SDCCAG8: variants seen among roughly 807,000 people sequenced by gnomAD.
SDCCAG8 encodes the protein SHH signaling and ciliogenesis regulator SDCCAG8.
A neutral mutation model predicts 101.8 loss-of-function variants in SDCCAG8; 74 were observed. The ratio of observed to expected loss-of-function variants is 0.73; its 90% CI spans 0.60 to 0.88. SDCCAG8 has a LOEUF of 0.88. Ranked by LOEUF, SDCCAG8 falls within the 40% of genes least tolerant of loss-of-function variation. The probability of loss-of-function intolerance (pLI) is 0.00; values close to 1 mark genes in which losing one functional copy is unlikely to be tolerated. For missense variants in SDCCAG8, 787 were observed against 822.6 expected, an observed-to-expected ratio of 0.96 and a Z score of 0.53; for synonymous variants, 281 against 292.9, an observed-to-expected ratio of 0.96 and a Z score of 0.41.
At chr1:243,290,210 C>CCGAT (rs35959524) in intron 5 of SDCCAG8, among the ~76,000 whole-genome samples, 44,188 of 150,762 alleles carry the variant, frequency 0.29, 6,767 homozygotes, top group South Asian at 0.53. Flanking sequence ...CTCCCGCCCC[C>CCGAT]CGATCCCCTG....
At chr1:243,260,953 G>A (rs2067150025) in intron 1 of SDCCAG8, among the ~76,000 whole-genome samples, 1 of 152,134 alleles carries the variant, frequency 6.6e-6, no homozygotes, top group Non-Finnish European at 1.5e-5. Flanking sequence ...TTAGGCAAGT[G>A]AAACACACTG....
At chr1:243,421,493 G>T (rs1208070040) in intron 15 of SDCCAG8, among the ~76,000 whole-genome samples, 2 of 152,136 alleles carry the variant, frequency 1.3e-5, no homozygotes, top group Admixed American at 6.5e-5. Flanking sequence ...ACCGTAAGTC[G>T]CATTATGGCA....
intron 16 of SDCCAG8, among the ~76,000 whole-genome samples, chr1:243,456,794 C>T (rs1450160370): frequency 1.3e-5 from 2 of 152,140 alleles, no homozygotes; most frequent in Non-Finnish European, 2.9e-5. Flanking sequence ...GTATTCTGAT[C>T]ATATTTAACT....
intron 16 of SDCCAG8, among the ~76,000 whole-genome samples, chr1:243,426,965 A>G (rs749217645): frequency 1.1e-4 from 17 of 152,232 alleles, no homozygotes; most frequent in Non-Finnish European, 2.1e-4. Context: ...CAGAGGTTGC[A>G]CTAATAGCAT....
At position 243,270,176 on chromosome 1, in the gene SDCCAG8, G is replaced by A. The variant is rs2067973193; in HGVS notation, c.139G>A (p.Ala47Thr). Residue 47 changes from alanine to threonine, a missense_variant, in exon 2 of 18, where the codon GCA becomes ACA. Physicochemically the swap from Ala to Thr is moderately conservative, Grantham distance 58. Coordinates refer to ENST00000366541, the MANE Select transcript of SDCCAG8 (RefSeq NM_006642.5). ...AGGCGATGTCACTATTGGAGAAGAT[G>A]CACCAAATCTTTCTTTTAGCACCAG... is the stretch of plus-strand genomic sequence containing the variant. ...KEGDVTIGED[A>T]PNLSFSTSVG... The A allele has an allele frequency of 6.2e-7, 1 of 1,614,084 alleles. No homozygotes were observed. The highest frequency in any genetic ancestry group is 1.1e-5 in the South Asian group (1 of 91,082).
chr1:243,486,162 T>C (rs994503870), intron 16 of SDCCAG8, among the ~76,000 whole-genome samples: 3 of 131,456 alleles, frequency 2.3e-5, no homozygotes, highest in Admixed American at 1.9e-4. Flanking sequence ...GATCGCACCA[T>C]TGTACTCCAG....
At chr1:243,305,709 A>G (rs985366658) in intron 7 of SDCCAG8, 3 of 152,224 alleles carry the variant, frequency 2.0e-5, no homozygotes, top group African/African-American at 7.2e-5. Context: ...AATATTGTTT[A>G]TAATTTTATT....
At chr1:243,464,308 A>G (rs1473854962) in intron 16 of SDCCAG8, among the ~76,000 whole-genome samples, 10 of 152,190 alleles carry the variant, frequency 6.6e-5, no homozygotes, top group Admixed American at 5.9e-4. Context: ...TAACCTTTGC[A>G]TATACCTCTG....
At chr1:243,434,962 G>T (rs998429883) in intron 16 of SDCCAG8, among the ~76,000 whole-genome samples, 3 of 152,178 alleles carry the variant, frequency 2.0e-5, no homozygotes, top group African/African-American at 7.2e-5. Flanking sequence ...CAATGCCAAA[G>T]AAATGATGTT....
rs189711386 is a variant in SDCCAG8 at position 243,358,752 on chromosome 1, A to G, written c.1473+14421A>G. ...TAAATAAAATGTGGGGTGTGTGTATATAGATACATATTACATGGCAGTAAA... is the reference window on the plus strand; with the variant it reads ...TAAATAAAATGTGGGGTGTGTGTATGTAGATACATATTACATGGCAGTAAA... On this transcript the variant is annotated intron_variant, in intron 12 of 17. Transcript: ENST00000366541. Among the ~76,000 whole-genome samples the G allele has an allele frequency of 3.2e-3, 495 of 152,320 alleles. 3 individuals carry two copies. Among genetic ancestry groups the G allele is most frequent in the African/African-American group, 9.1e-3 (380 of 41,576 alleles).
chr1:243,275,307 T>C (rs2068448797), intron 4 of SDCCAG8, among the ~76,000 whole-genome samples: 1 of 152,072 alleles, frequency 6.6e-6, no homozygotes, highest in African/African-American at 2.4e-5. Flanking sequence ...TTTCCCTCCC[T>C]CTTTCTTTCT....
intron 16 of SDCCAG8, among the ~76,000 whole-genome samples, chr1:243,469,939 C>A (rs34237495): frequency 0.039 from 5,800 of 148,296 alleles, 173 homozygotes; most frequent in Non-Finnish European, 0.058. Flanking sequence ...AGGGGTACTT[C>A]AGATAACATG....
intron 16 of SDCCAG8, among the ~76,000 whole-genome samples, chr1:243,481,179 T>A (rs560877241): frequency 6.6e-6 from 1 of 151,136 alleles, no homozygotes; most frequent in African/African-American, 2.4e-5. Context: ...GGCGGAACAT[T>A]TCCAGTCAGG....
chr1:243,361,503 T>C (rs1429182501), intron 12 of SDCCAG8, among the ~76,000 whole-genome samples: 3 of 152,264 alleles, frequency 2.0e-5, no homozygotes, highest in Non-Finnish European at 4.4e-5. Context: ...GCTTCCCATT[T>C]GCATTTAGAA....
At chr1:243,465,611 G>A (rs1471667248) in intron 16 of SDCCAG8, among the ~76,000 whole-genome samples, 2 of 152,030 alleles carry the variant, frequency 1.3e-5, no homozygotes, top group Non-Finnish European at 2.9e-5. Flanking sequence ...CCTCTGTTTC[G>A]GCTTAACCTT....
At chr1:243,486,283 T>G (rs1033136795) in intron 16 of SDCCAG8, among the ~76,000 whole-genome samples, 9 of 151,478 alleles carry the variant, frequency 5.9e-5, no homozygotes, top group Non-Finnish European at 1.2e-4. Context: ...ATTTAAAAAT[T>G]GAGTCAATTG....
chr1:243,409,303 G>A (rs1311738423), intron 13 of SDCCAG8, among the ~76,000 whole-genome samples: 2 of 152,146 alleles, frequency 1.3e-5, no homozygotes, highest in Non-Finnish European at 2.9e-5. Flanking sequence ...GGAAAAAAGG[G>A]AGACAAGGTT....
chr1:243,405,951 A>C (rs1011111374), intron 13 of SDCCAG8, among the ~76,000 whole-genome samples: 7 of 152,142 alleles, frequency 4.6e-5, no homozygotes, highest in African/African-American at 1.7e-4. Context: ...ATAGAATAGA[A>C]TAGAAACTGT....
intron 16 of SDCCAG8, among the ~76,000 whole-genome samples, chr1:243,448,282 A>C (rs1488600614): frequency 6.6e-6 from 1 of 152,164 alleles, no homozygotes; most frequent in Non-Finnish European, 1.5e-5. Flanking sequence ...AGGAGAGTAA[A>C]CATCTTTTCT....
Sources: allele counts gnomAD v4.1 joint callset (sites outside exome capture counted in the v4.1 genomes callset), GRCh38; gene constraint gnomAD v4.1.1; transcripts MANE v1.5; gene names NCBI Gene and HGNC (gene_info 2026-07-23, HGNC 2026-07-21).